NIPA1: variants seen among roughly 807,000 people sequenced by gnomAD.
The protein encoded by NIPA1 is magnesium transporter NIPA1.
NIPA1 carries 13 observed loss-of-function variants against 23.9 expected under a neutral mutation model. The ratio of observed to expected loss-of-function variants is 0.54; its 90% confidence interval spans 0.35 to 0.87. NIPA1 has a LOEUF of 0.87. NIPA1 is among the 40% of genes least tolerant of loss of function. NIPA1 has a pLI of 0.01. For synonymous variants in NIPA1, 234 were observed against 202.9 expected, an observed-to-expected ratio of 1.15 and a Z score of -1.30; for missense variants, 362 against 429.7, an observed-to-expected ratio of 0.84 and a Z score of 1.39.
intron 3 of NIPA1, among the ~76,000 whole-genome samples, chr15:22,813,103 C>T (rs926480263): frequency 9.2e-5 from 14 of 151,700 alleles, no homozygotes; most frequent in South Asian, 4.2e-4. Context: ...CTGAGTGAGA[C>T]GAGTGAGGGG....
chr15:22,788,928 A>AAAAAAC, intron 1 of NIPA1, among the ~76,000 whole-genome samples: 1 of 150,916 alleles, frequency 6.6e-6, no homozygotes, highest in Admixed American at 6.6e-5. Context: ...TTAAAAAAAA[A>AAAAAAC]AAAAAAAAAG....
At chr15:22,786,981 C>G (rs1332795708) in intron 1 of NIPA1, 147 bp downstream of exon 1, 2 of 407,202 alleles carry the variant, frequency 4.9e-6, no homozygotes, top group Admixed American at 5.7e-5. Context: ...CGGGCGGGTG[C>G]TCCCCGCGGC....
intron 1 of NIPA1, among the ~76,000 whole-genome samples, chr15:22,789,560 A>G (rs973241034): frequency 1.3e-5 from 2 of 152,078 alleles, no homozygotes; most frequent in African/African-American, 4.8e-5. Context: ...AGTAAGTAGG[A>G]GAGAAAAGGA....
intron 1 of NIPA1, among the ~76,000 whole-genome samples, chr15:22,798,676 G>A (rs1211165448): frequency 2.0e-5 from 3 of 149,212 alleles, no homozygotes; most frequent in Non-Finnish European, 4.5e-5. Flanking sequence ...GTGAATCCCC[G>A]TCTCTACTAA....
Position 22,812,203 on chromosome 15 carries a change from G to A in NIPA1, c.267G>A (p.Ala89=), listed in dbSNP as rs751391752. The change falls in exon 3 of 5, where the codon GCG becomes GCA. Residue 89 remains alanine, a synonymous_variant. Coordinates refer to ENST00000337435, the MANE Select transcript of NIPA1 (RefSeq NM_144599.5). ...GQIGNFLAYT[A]VPTVLVTPLG... is the part of the protein sequence containing the mutation. Reference sequence around the variant, plus strand: ...TTGGAAACTTCCTGGCTTACACGGCGGTCCCCACGGTCCTGGTAACCCCCC... The same window carrying A: ...TTGGAAACTTCCTGGCTTACACGGCAGTCCCCACGGTCCTGGTAACCCCCC... The A allele has an allele frequency of 7.4e-6, 12 of 1,613,722 alleles. No homozygotes were observed. Among genetic ancestry groups the A allele is most frequent in the African/African-American group, 6.7e-5 (5 of 74,916 alleles).
intron 1 of NIPA1, among the ~76,000 whole-genome samples, chr15:22,798,381 A>G (rs535927476): frequency 6.7e-6 from 1 of 149,356 alleles, no homozygotes; most frequent in South Asian, 2.1e-4. Flanking sequence ...CTGGGACTAC[A>G]GGCGCCCGCC....
intron 1 of NIPA1, among the ~76,000 whole-genome samples, chr15:22,799,579 G>C (rs188246405): frequency 6.6e-6 from 1 of 151,864 alleles, no homozygotes; most frequent in Non-Finnish European, 1.5e-5. Flanking sequence ...TCAGGAGATC[G>C]AGACCATCCT....
Position 22,826,454 on chromosome 15 carries a change from A to G in NIPA1, c.*2215A>G, listed in dbSNP as rs974794953. On this transcript the variant is annotated 3_prime_UTR_variant, in exon 5 of 5. Transcript: ENST00000337435. ...TAGCAGTATCAATATACTTTTGGGC[A>G]TAAAAATAGTTTCCTAGGTAAGGGG... 6.6e-6 allele frequency: 1 copy of G among 152,208 alleles called. No individual in the cohort carries two copies. The highest frequency in any genetic ancestry group is 1.9e-4 in the East Asian group (1 of 5,200). The allele number at this position is 152,208 out of a possible 1,614,324, so 9.4% of individuals were successfully genotyped here. A position where few individuals can be genotyped will look rare whatever the true frequency, so the allele number is the denominator to read the frequency against.
chr15:22,801,854 C>T (rs1156784805), intron 1 of NIPA1, among the ~76,000 whole-genome samples: 1 of 152,006 alleles, frequency 6.6e-6, no homozygotes, highest in African/African-American at 2.4e-5. Flanking sequence ...GGACTGTGTA[C>T]ACTGATGATT....
At chr15:22,786,600 T>TCCCGC, upstream of NIPA1, 2 of 618,932 alleles carry the variant, frequency 3.2e-6, no homozygotes, top group Non-Finnish European at 4.0e-6. Flanking sequence ...TCACCCCCCA[T>TCCCGC]CCCGCCCCGC....
At chr15:22,804,268 G>T (rs778756414) in intron 1 of NIPA1, among the ~76,000 whole-genome samples, 1 of 151,594 alleles carries the variant, frequency 6.6e-6, no homozygotes, top group Non-Finnish European at 1.5e-5. Context: ...GTGAGCCACC[G>T]CACCCAGCTG....
intron 3 of NIPA1, among the ~76,000 whole-genome samples, chr15:22,815,230 C>T (rs930417485): frequency 2.0e-5 from 3 of 152,100 alleles, no homozygotes; most frequent in African/African-American, 4.8e-5. Context: ...TGATCAATTT[C>T]GATAAATTTA....
chr15:22,822,590 A>G (rs1401238028), intron 4 of NIPA1, among the ~76,000 whole-genome samples: 1 of 152,146 alleles, frequency 6.6e-6, no homozygotes, highest in Non-Finnish European at 1.5e-5. Flanking sequence ...ACACTTTGGG[A>G]GGCCGAGGAC....
intron 1 of NIPA1, among the ~76,000 whole-genome samples, chr15:22,807,151 A>G (rs899864414): frequency 6.6e-6 from 1 of 152,158 alleles, no homozygotes; most frequent in African/African-American, 2.4e-5. Flanking sequence ...AAGAACAAAA[A>G]CCATTTTGTT....
chr15:22,810,885 G>A, intron 2 of NIPA1, 89 bp downstream of exon 2: 1 of 1,033,432 alleles, frequency 9.7e-7, no homozygotes, highest in Non-Finnish European at 1.5e-6. Flanking sequence ...GGGCTAGGGT[G>A]GCTCTGTTCT....
intron 4 of NIPA1, among the ~76,000 whole-genome samples, chr15:22,823,014 G>C (rs1259660005): frequency 7.4e-5 from 10 of 135,772 alleles, no homozygotes; most frequent in Admixed American, 3.9e-4. Flanking sequence ...TGCCTCCCGG[G>C]TTCAAGCGAT....
At chr15:22,791,541 T>C (rs925589073) in intron 1 of NIPA1, among the ~76,000 whole-genome samples, 1 of 131,772 alleles carries the variant, frequency 7.6e-6, no homozygotes, top group Non-Finnish European at 1.5e-5. Context: ...TGGAGTGCAG[T>C]GGTGCCATCT....
chr15:22,803,189 G>A (rs905887064), intron 1 of NIPA1, among the ~76,000 whole-genome samples: 1 of 151,776 alleles, frequency 6.6e-6, no homozygotes, highest in African/African-American at 2.4e-5. Context: ...ACTCCTGACC[G>A]CGGGTGATCC....
rs1316207962 is a variant in NIPA1 at position 22,812,158 on chromosome 15, G to C, written c.227-5G>C. On this transcript the variant is annotated splice_region_variant and splice_polypyrimidine_tract_variant and intron_variant, in intron 2 of 4. Transcript: ENST00000337435. ...CAAGTAGTATCCTTGTGATTTTCTT[G>C]ACAGTGGCTGTTGGCCAGATTGGAA... 6.8e-6 allele frequency: 11 copies of C among 1,609,558 alleles called. No homozygotes were observed. Among genetic ancestry groups the C allele is most frequent in the Non-Finnish European group, 9.3e-6 (11 of 1,176,616 alleles).
Sources: allele counts gnomAD v4.1 joint callset (sites outside exome capture counted in the v4.1 genomes callset), GRCh38; gene constraint gnomAD v4.1.1; transcripts MANE v1.5; gene names NCBI Gene and HGNC (gene_info 2026-07-23, HGNC 2026-07-21).